The following ATG7 variants were observed in gnomAD, a reference collection of about 807,000 sequenced individuals.
ATG7 encodes the protein ubiquitin-like modifier-activating enzyme ATG7.
A neutral mutation model predicts 82.4 loss-of-function variants in ATG7; 70 were observed. That is an observed-to-expected ratio of 0.85 (90% CI 0.70 to 1.04). The LOEUF (loss-of-function observed/expected upper bound fraction) is 1.04. Among genes scored for constraint, ATG7 ranks in the 50% least tolerant of loss-of-function variants. The pLI, the probability that ATG7 is intolerant of heterozygous loss-of-function variation, is 0.00. For missense variants in ATG7, 792 were observed against 864.3 expected (o/e 0.92, Z 1.05); for synonymous variants, 287 against 313.0 (o/e 0.92, Z 0.88).
chr3:11,459,013 A>ATCAGGTGTTAGT (rs1316150724), intron 20 of ATG7, among the ~76,000 whole-genome samples: 3 of 152,086 alleles, frequency 2.0e-5, no homozygotes, highest in Admixed American at 6.5e-5. Context: ...GGACAGTTTC[A>ATCAGGTGTTAGT]TTCATCACCC....
At chr3:11,392,906 A>G (rs6792718) in intron 19 of ATG7, among the ~76,000 whole-genome samples, 78,929 of 152,024 alleles carry the variant, frequency 0.52, 21,290 homozygotes, top group East Asian at 0.68. Context: ...ATTTTGCCAC[A>G]GATAAGAACA....
chr3:11,318,121 TCTC>T (rs1381694374), intron 9 of ATG7, among the ~76,000 whole-genome samples: 2 of 152,144 alleles, frequency 1.3e-5, no homozygotes, highest in Non-Finnish European at 2.9e-5. Flanking sequence ...ATCTCTGGGG[TCTC>T]CTCTGAAGTG....
At chr3:11,391,959 G>T (rs1311134660) in intron 19 of ATG7, among the ~76,000 whole-genome samples, 2 of 28,846 alleles carry the variant, frequency 6.9e-5, no homozygotes, top group East Asian at 1.8e-3. Flanking sequence ...TGTACTTATT[G>T]GGGGGGGGGT....
At chr3:11,300,704 C>T (rs1228626020) in intron 5 of ATG7, among the ~76,000 whole-genome samples, 1 of 152,116 alleles carries the variant, frequency 6.6e-6, no homozygotes, top group Non-Finnish European at 1.5e-5. Context: ...GGTGAGAAAG[C>T]GATACACATT....
intron 18 of ATG7, among the ~76,000 whole-genome samples, chr3:11,379,732 GA>G (rs1295765477): frequency 2.0e-5 from 3 of 152,196 alleles, no homozygotes. Context: ...TTTTAGGTCA[GA>G]AATATTTGAA....
chr3:11,375,053 A>C (rs2152837429), intron 18 of ATG7, among the ~76,000 whole-genome samples: 1 of 150,706 alleles, frequency 6.6e-6, no homozygotes, highest in Admixed American at 6.6e-5. Context: ...AAAAAAAAAA[A>C]AAATCAAAAG....
At chr3:11,299,633 C>T (rs1946471771) in intron 5 of ATG7, among the ~76,000 whole-genome samples, 1 of 152,048 alleles carries the variant, frequency 6.6e-6, no homozygotes, top group African/African-American at 2.4e-5. Context: ...TTATCAGAGT[C>T]AATTAGGTGC....
At chr3:11,554,746 G>A in intron 20 of ATG7, 65 bp from the exon 21 acceptor site, 1 of 1,592,084 alleles carries the variant, frequency 6.3e-7, no homozygotes, top group South Asian at 1.1e-5. Flanking sequence ...CGGTTTTGAA[G>A]CATCTGTGTG....
chr3:11,564,651 C>T, the ATG7 span: 44 of 826,668 alleles, frequency 5.3e-5, no homozygotes, highest in South Asian at 6.0e-4. Flanking sequence ...ACAACAGAGG[C>T]GAAGGGTGGC....
At chr3:11,333,992 G>A (rs1305434247) in intron 11 of ATG7, among the ~76,000 whole-genome samples, 5 of 151,854 alleles carry the variant, frequency 3.3e-5, no homozygotes, top group South Asian at 2.1e-4. Flanking sequence ...CTTGTGATCC[G>A]CCCACCTCAG....
chr3:11,484,776 G>A (rs1012688852), intron 20 of ATG7, among the ~76,000 whole-genome samples: 1 of 152,110 alleles, frequency 6.6e-6, no homozygotes, highest in Non-Finnish European at 1.5e-5. Flanking sequence ...TCCCACCTAT[G>A]AGTGAGAATA....
At chr3:11,427,391 C>A (rs2082450016) in intron 20 of ATG7, among the ~76,000 whole-genome samples, 1 of 152,072 alleles carries the variant, frequency 6.6e-6, no homozygotes. Flanking sequence ...GACCCTGAAC[C>A]CCACCATGAA....
intron 14 of ATG7, among the ~76,000 whole-genome samples, chr3:11,355,557 A>T (rs191461668): frequency 2.0e-5 from 3 of 152,330 alleles, no homozygotes; most frequent in Admixed American, 2.0e-4. Flanking sequence ...AAAAAGCTTG[A>T]ACAGGTACTT....
the ATG7 span, chr3:11,564,857 G>A: frequency 6.2e-7 from 1 of 1,607,902 alleles, no homozygotes; most frequent in Non-Finnish European, 8.5e-7. Context: ...TGGCGTCCAG[G>A]CTGTTCTTGG....
chr3:11,468,300 A>AGGGGT (rs2087043234), intron 20 of ATG7, among the ~76,000 whole-genome samples: 1 of 43,810 alleles, frequency 2.3e-5, no homozygotes, highest in Non-Finnish European at 4.1e-5. Context: ...TGAGAATGGA[A>AGGGGT]GGGGTAAGTG....
At chr3:11,517,062 G>A (rs895899672) in intron 20 of ATG7, among the ~76,000 whole-genome samples, 2 of 152,108 alleles carry the variant, frequency 1.3e-5, no homozygotes, top group African/African-American at 2.4e-5. Context: ...TAGCCTGGGC[G>A]ACAGAGCAAG....
chr3:11,418,680 C>T (rs2081638929), intron 19 of ATG7, among the ~76,000 whole-genome samples: 1 of 152,156 alleles, frequency 6.6e-6, no homozygotes, highest in South Asian at 2.1e-4. Context: ...TCTCTGTATC[C>T]ACCTGACTGT....
chr3:11,550,947 ATTTT>A (rs2071717823), intron 20 of ATG7, among the ~76,000 whole-genome samples: 2 of 150,770 alleles, frequency 1.3e-5, no homozygotes, highest in Non-Finnish European at 3.0e-5. Flanking sequence ...TAACGTTTGG[ATTTT>A]TATCCCATTT....
intron 20 of ATG7, among the ~76,000 whole-genome samples, chr3:11,429,602 C>T (rs1576354281): frequency 6.6e-6 from 1 of 151,878 alleles, no homozygotes; most frequent in African/African-American, 2.4e-5. Flanking sequence ...TAGCTAGAGC[C>T]AAGAAGCAAA....
Sources: allele counts gnomAD v4.1 joint callset (sites outside exome capture counted in the v4.1 genomes callset), GRCh38; gene constraint gnomAD v4.1.1; transcripts MANE v1.5; gene names NCBI Gene and HGNC (gene_info 2026-07-23, HGNC 2026-07-21).